NUPR1: variants seen among roughly 807,000 people sequenced by gnomAD.
The protein encoded by NUPR1 is nuclear protein 1.
A neutral mutation model predicts 7.3 loss-of-function variants in NUPR1; 8 were observed. The ratio of observed to expected loss-of-function variants is 1.09; its 90% CI spans 0.64 to 1.97. The LOEUF (loss-of-function observed/expected upper bound fraction) is 1.97. Among genes scored for constraint, NUPR1 ranks in the 30% most tolerant of loss-of-function variants. The pLI is 0.00. For missense variants in NUPR1, 96 were observed against 111.7 expected (o/e 0.86, Z 0.63); for synonymous variants, 39 against 44.5 (o/e 0.88, Z 0.49).
chr16:28,533,095 C>T lies in NUPR1; in HGVS notation c.*4588G>A, dbSNP rs2046591740. On this transcript the variant is annotated 3_prime_UTR_variant, in exon 3 of 3. Transcript: ENST00000324873. ...GCTCCTGCCATTTGCTCCCTGGGTT[C>T]TAGAGCTGATGGTGGCCCTATTCCT... is the stretch of plus-strand genomic sequence containing the variant. The T allele has an allele frequency of 6.6e-6, 1 of 152,264 alleles. No individual in the cohort carries two copies. Among genetic ancestry groups the T allele is most frequent in the Non-Finnish European group, 1.5e-5 (1 of 68,118 alleles). 9.4% of individuals were successfully genotyped at this position (152,264 alleles called of 1,614,324 possible). A position where few individuals can be genotyped will look rare whatever the true frequency, so the allele number is the denominator to read the frequency against.
rs2046611099 is a variant in NUPR1 at position 28,535,577 on chromosome 16, T to TTTCTTTCTTTCTTTCC, written c.*2105_*2106insGGAAAGAAAGAAAGAA. 4.4e-5 allele frequency: 1 copy of TTTCTTTCTTTCTTTCC among 22,602 alleles called. No individual in the cohort carries two copies. The highest frequency in any genetic ancestry group is 7.4e-5 in the Non-Finnish European group (1 of 13,462). The allele number at this position is 22,602 out of a possible 1,614,324, so 1.4% of individuals were successfully genotyped here. On this transcript the variant is annotated 3_prime_UTR_variant, in exon 3 of 3. Transcript: ENST00000324873. ...TTTCTTTCTTTCCTTCCTTCCTTTC[T>TTTCTTTCTTTCTTTCC]TTCTTTCTTTCTTTCTTTCTTTCTT...
chr16:28,538,341 G>T, intron 1 of NUPR1, 186 bp from the exon 2 acceptor site: 1 of 774,348 alleles, frequency 1.3e-6, no homozygotes, highest in African/African-American at 1.7e-5. Context: ...TAGCACTCCT[G>T]GGATAAGGGA....
At position 28,535,552 on chromosome 16, in the gene NUPR1, T is replaced by TTTCTTTCTTTCC. The variant is rs2046607818; in HGVS notation, c.*2119_*2130dup. On this transcript the variant is annotated 3_prime_UTR_variant, in exon 3 of 3. Transcript: ENST00000324873. The stretch of plus-strand genomic sequence containing the variant: ...CTTTCTTTCTTTCTTTCCTTCTTTC[T>TTTCTTTCTTTCC]TTCTTTCTTTCCTTCCTTCCTTTCT... 1 of 31,738 alleles carries TTTCTTTCTTTCC rather than the reference T, an allele frequency of 3.2e-5. No homozygotes were observed. Among genetic ancestry groups the TTTCTTTCTTTCC allele is most frequent in the Non-Finnish European group, 8.1e-5 (1 of 12,418 alleles). The allele number at this position is 31,738 out of a possible 1,614,324, so 2.0% of individuals were successfully genotyped here. A position where few individuals can be genotyped will look rare whatever the true frequency, so the allele number is the denominator to read the frequency against.
At chr16:28,537,915 A>T in intron 2 of NUPR1, 91 bp downstream of exon 2, 1 of 1,028,672 alleles carries the variant, frequency 9.7e-7, no homozygotes, top group Non-Finnish European at 1.4e-6. Context: ...CAGTTGCCTG[A>T]TCCCTCCTCC....
In NUPR1 at chr16:28,538,909, G is replaced by C; in HGVS notation, c.-2C>G. On this transcript the variant is annotated 5_prime_UTR_variant, in exon 1 of 3. Transcript: ENST00000324873. ...GGTTGCTGGTGGGAAGGTGGCCATC[G>C]TGCCTGGCTTGTCTTCCCTGCCTCT... The C allele has an allele frequency of 6.2e-7, 1 of 1,611,308 alleles. No individual in the cohort carries two copies. Among genetic ancestry groups the C allele is most frequent in the African/African-American group, 1.3e-5 (1 of 74,904 alleles).
chr16:28,538,134 C>T lies in NUPR1; in HGVS notation c.134G>A (p.Arg45His), dbSNP rs765356173. 8 of 1,614,042 alleles carry T rather than the reference C, an allele frequency of 5.0e-6. No homozygotes were observed. The highest frequency in any genetic ancestry group is 2.7e-5 in the African/African-American group (2 of 74,920). ...SYLGGGGRKG[R>H]TKREAAANTN... is the part of the protein sequence containing the mutation. ...GTTGGCAGCAGCTTCTCTCTTGGTGCGACCTTTCCGGCCTCCACCTCCTGT... is the reference window on the plus strand; with the variant it reads ...GTTGGCAGCAGCTTCTCTCTTGGTGTGACCTTTCCGGCCTCCACCTCCTGT... The change falls in exon 2 of 3, where the codon CGC becomes CAC. Residue 45 changes from arginine to histidine, a missense_variant. Physicochemically the swap from Arg to His is conservative, Grantham distance 29. Coordinates refer to ENST00000324873, the MANE Select transcript of NUPR1 (RefSeq NM_012385.3).
At position 28,535,571 on chromosome 16, in the gene NUPR1, C is replaced by CCTTCCTTCCTTCCTTTCTTTCTTTCTTT. The variant is rs71140975; in HGVS notation, c.*2111_*2112insAAAGAAAGAAAGAAAGGAAGGAAGGAAG. ...TCTTTCTTTCTTTCTTTCCTTCCTT[C>CCTTCCTTCCTTCCTTTCTTTCTTTCTTT]CTTTCTTTCTTTCTTTCTTTCTTTC... On this transcript the variant is annotated 3_prime_UTR_variant, in exon 3 of 3. Coordinates refer to ENST00000324873, the MANE Select transcript of NUPR1 (RefSeq NM_012385.3). The CCTTCCTTCCTTCCTTTCTTTCTTTCTTT allele has an allele frequency of 6.9e-5, 5 of 71,948 alleles. No individual in the cohort carries two copies. The East Asian group carries it at 2.8e-3, about 40-fold the overall frequency. 4.5% of individuals were successfully genotyped at this position (71,948 alleles called of 1,614,324 possible).
intron 2 of NUPR1, 132 bp downstream of exon 2, chr16:28,537,874 A>G (rs2046634852): frequency 2.7e-6 from 2 of 743,814 alleles, no homozygotes; most frequent in Admixed American, 4.7e-5. Flanking sequence ...ACAATCAAAC[A>G]TATGTCTCGT....
rs2046610796 is a variant in NUPR1 at position 28,535,575 on chromosome 16, T to TCTTTCTTTTCTTTCTTTCTTTC, written c.*2107_*2108insGAAAGAAAGAAAGAAAAGAAAG. ...TCTTTCTTTCTTTCCTTCCTTCCTT[T>TCTTTCTTTTCTTTCTTTCTTTC]CTTTCTTTCTTTCTTTCTTTCTTTC... is the stretch of plus-strand genomic sequence containing the variant. On this transcript the variant is annotated 3_prime_UTR_variant, in exon 3 of 3. Transcript: ENST00000324873. 1 of 41,358 alleles carries TCTTTCTTTTCTTTCTTTCTTTC rather than the reference T, an allele frequency of 2.4e-5. No individual in the cohort carries two copies. Among genetic ancestry groups the TCTTTCTTTTCTTTCTTTCTTTC allele is most frequent in the African/African-American group, 1.1e-4 (1 of 8,708 alleles). The allele number at this position is 41,358 out of a possible 1,614,324, so 2.6% of individuals were successfully genotyped here.
Position 28,535,592 on chromosome 16 carries a change from C to CTT in NUPR1, c.*2089_*2090dup, listed in dbSNP as rs1406590742. The CTT allele has an allele frequency of 2.7e-5, 1 of 36,992 alleles. No individual in the cohort carries two copies. The highest frequency in any genetic ancestry group is 4.9e-5 in the Non-Finnish European group (1 of 20,452). 2.3% of individuals were successfully genotyped at this position (36,992 alleles called of 1,614,324 possible). On this transcript the variant is annotated 3_prime_UTR_variant, in exon 3 of 3. Coordinates refer to ENST00000324873, the MANE Select transcript of NUPR1 (RefSeq NM_012385.3). The stretch of plus-strand genomic sequence containing the variant: ...CCTTCCTTTCTTTCTTTCTTTCTTT[C>CTT]TTTCTTTCTTTCTTTCTTTCTTTCT...
chr16:28,538,178 A>C (rs1011473640), intron 1 of NUPR1, 23 bp from the exon 2 acceptor site: 2 of 1,613,928 alleles, frequency 1.2e-6, no homozygotes, highest in Admixed American at 1.7e-5. Flanking sequence ...CAGGAGTCAG[A>C]GGTGAAGTGG....
At position 28,535,790 on chromosome 16, in the gene NUPR1, A is replaced by C. The variant is rs1164229477; in HGVS notation, c.*1893T>G. 6.6e-6 allele frequency: 1 copy of C among 150,566 alleles called. No individual in the cohort carries two copies. Among genetic ancestry groups the C allele is most frequent in the African/African-American group, 2.4e-5 (1 of 40,828 alleles). 9.3% of individuals were successfully genotyped at this position (150,566 alleles called of 1,614,324 possible). On this transcript the variant is annotated 3_prime_UTR_variant, in exon 3 of 3. Coordinates refer to ENST00000324873, the MANE Select transcript of NUPR1 (RefSeq NM_012385.3). ...CAGTGCAGTGGCACCATCATGGCTT[A>C]CTGTAGCCTCCAACTGGGTTCAAGG...
Position 28,536,343 on chromosome 16 carries a change from ACT to A in NUPR1, c.*1338_*1339del, listed in dbSNP as rs2046623273. 1 of 147,548 alleles carries A rather than the reference ACT, an allele frequency of 6.8e-6. No homozygotes were observed. Among genetic ancestry groups the A allele is most frequent in the Non-Finnish European group, 1.5e-5 (1 of 67,178 alleles). The allele number at this position is 147,548 out of a possible 1,614,324, so 9.1% of individuals were successfully genotyped here. ...ACTCCAGCCTGAGCAACAGAGTGAG[ACT>A]CTGTATCAAAAAAACAAAAAAACAA... On this transcript the variant is annotated 3_prime_UTR_variant, in exon 3 of 3. Coordinates refer to ENST00000324873, the MANE Select transcript of NUPR1 (RefSeq NM_012385.3).
chr16:28,533,758 C>T lies in NUPR1; in HGVS notation c.*3925G>A, dbSNP rs1349031055. The T allele has an allele frequency of 6.6e-6, 1 of 152,374 alleles. No homozygotes were observed. The highest frequency in any genetic ancestry group is 2.4e-5 in the African/African-American group (1 of 41,434). The allele number at this position is 152,374 out of a possible 1,614,324, so 9.4% of individuals were successfully genotyped here. On this transcript the variant is annotated 3_prime_UTR_variant, in exon 3 of 3. Transcript: ENST00000324873. The stretch of plus-strand genomic sequence containing the variant: ...TTAAAGTCATCTCAGACAGAAAGGA[C>T]CAGAAAAACAGAAGCTTATTTAAGG...
chr16:28,535,385 TC>T lies in NUPR1; in HGVS notation c.*2297del. 1 of 152,544 alleles carries T rather than the reference TC, an allele frequency of 6.6e-6. No homozygotes were observed. The highest frequency in any genetic ancestry group is 3.4e-3 in the Middle Eastern group (1 of 296). 9.4% of individuals were successfully genotyped at this position (152,544 alleles called of 1,614,324 possible). A position where few individuals can be genotyped will look rare whatever the true frequency, so the allele number is the denominator to read the frequency against. On this transcript the variant is annotated 3_prime_UTR_variant, in exon 3 of 3. Coordinates refer to ENST00000324873, the MANE Select transcript of NUPR1 (RefSeq NM_012385.3). ...CCCAGGCTGGAGTGCAATGGCGTGA[TC>T]TTGGCTCACCACAACTTCTGCCTCG...
Position 28,538,902 on chromosome 16 carries a change from G to A in NUPR1, c.6C>T (p.Ala2=). Residue 2 remains alanine, a synonymous_variant, in exon 1 of 3, where the codon GCC becomes GCT. Transcript: ENST00000324873. ...GGGCGCTGGTTGCTGGTGGGAAGGT[G>A]GCCATCGTGCCTGGCTTGTCTTCCC... M[A]TFPPATSAPQ... is the part of the protein sequence containing the mutation. 2 of 1,612,332 alleles carry A rather than the reference G, an allele frequency of 1.2e-6. No individual in the cohort carries two copies. Among genetic ancestry groups the A allele is most frequent in the Non-Finnish European group, 8.5e-7 (1 of 1,179,520 alleles).
chr16:28,538,931 C>T lies in NUPR1; in HGVS notation c.-24G>A. 6.3e-7 allele frequency: 1 copy of T among 1,581,180 alleles called. No individual in the cohort carries two copies. The highest frequency in any genetic ancestry group is 8.7e-7 in the Non-Finnish European group (1 of 1,154,030). Reference sequence around the variant, plus strand: ...ATCGTGCCTGGCTTGTCTTCCCTGCCTCTCTTCTTCTCCTAACGCTTTGTC... The same window carrying T: ...ATCGTGCCTGGCTTGTCTTCCCTGCTTCTCTTCTTCTCCTAACGCTTTGTC... On this transcript the variant is annotated 5_prime_UTR_variant, in exon 1 of 3. Transcript: ENST00000324873.
In NUPR1 at chr16:28,538,027, G is replaced by T. The variant is rs773041369; in HGVS notation, c.241C>A (p.Arg81=). ...TTACCTCCAGCTCTGTCTCAGCGCC[G>T]TGCCCCTCGCTTCTTCCTCTCTGAA... The part of the protein sequence containing the change: ...QNSERKKRGA[R]R Residue 81 remains arginine (R), a synonymous_variant, in exon 2 of 3, where the codon CGG becomes AGG. Transcript: ENST00000324873. 1 of 1,613,256 alleles carries T rather than the reference G, an allele frequency of 6.2e-7. No homozygotes were observed. The highest frequency in any genetic ancestry group is 1.7e-5 in the Admixed American group (1 of 59,996).
In NUPR1 at chr16:28,538,008, C is replaced by T. The variant is rs775032658; in HGVS notation, c.*11G>A. The T allele has an allele frequency of 8.1e-6, 13 of 1,609,796 alleles. No individual in the cohort carries two copies. The highest frequency in any genetic ancestry group is 1.3e-5 in the African/African-American group (1 of 74,860). ...CTCTGGGCCCCCCGACTCCTTACCT[C>T]CAGCTCTGTCTCAGCGCCGTGCCCC... is the stretch of plus-strand genomic sequence containing the variant. On this transcript the variant is annotated splice_region_variant and 3_prime_UTR_variant, in exon 2 of 3. Transcript: ENST00000324873.
Sources: allele counts gnomAD v4.1 joint callset, GRCh38; gene constraint gnomAD v4.1.1; transcripts MANE v1.5; gene names NCBI Gene and HGNC (gene_info 2026-07-23, HGNC 2026-07-21).